Variants in BIN1 observed in about 807,000 individuals in gnomAD.
The protein encoded by BIN1 is bridging integrator 1.
A neutral mutation model predicts 82.0 loss-of-function variants in BIN1; 53 were observed. That is an observed-to-expected ratio of 0.65 (90% CI 0.52 to 0.81). The LOEUF (loss-of-function observed/expected upper bound fraction) is 0.81. Among genes scored for constraint, BIN1 ranks in the 40% least tolerant of loss-of-function variants. The pLI is 0.00. For missense variants in BIN1, 642 were observed against 784.4 expected (o/e 0.82, Z 2.17); for synonymous variants, 302 against 328.0 (o/e 0.92, Z 0.86).
chr2:127,068,102 G>T lies in BIN1; in HGVS notation c.612+61C>A. On this transcript the variant is annotated intron_variant, in intron 7 of 18. Coordinates refer to ENST00000316724, the MANE Select transcript of BIN1 (RefSeq NM_139343.3). This position sits in a 1 kb window ranked among gnomAD's most constrained non-coding sequence, Gnocchi z 4.9. ...CCAGCCCTGCATTCCACCGCAGGGC[G>T]AGAGGACAGGACGACAGACCGGAAG... The T allele has an allele frequency of 1.3e-6, 2 of 1,525,446 alleles. No homozygotes were observed. Among genetic ancestry groups the T allele is most frequent in the Non-Finnish European group, 9.0e-7 (1 of 1,112,674 alleles). 94.5% of individuals were successfully genotyped at this position (1,525,446 alleles called of 1,614,324 possible).
chr2:127,069,085 C>A (rs1300083900), intron 5 of BIN1, 54 bp from the exon 6 acceptor site: 2 of 1,547,948 alleles, frequency 1.3e-6, no homozygotes, highest in Admixed American at 3.4e-5. Context: ...TGCTGAGACT[C>A]CAGGTCCAGT....
At chr2:127,063,828 G>C in intron 8 of BIN1, 105 bp downstream of exon 8, 2 of 1,492,010 alleles carry the variant, frequency 1.3e-6, no homozygotes, top group South Asian at 2.3e-5. Flanking sequence ...CACGCAGACT[G>C]GACACCGCAG....
chr2:127,077,251 A>C (rs1686730654), intron 1 of BIN1, among the ~76,000 whole-genome samples: 1 of 152,036 alleles, frequency 6.6e-6, no homozygotes, highest in South Asian at 2.1e-4. Flanking sequence ...GGCCACGCAG[A>C]GTCTGCTTCT....
intron 1 of BIN1, among the ~76,000 whole-genome samples, chr2:127,077,413 AC>A (rs1036211105): frequency 1.9e-4 from 29 of 151,932 alleles, no homozygotes; most frequent in Non-Finnish European, 3.5e-4. Flanking sequence ...CTCCCCCTCA[AC>A]CCCCCACGAT....
At chr2:127,070,470 T>A in intron 4 of BIN1, 83 bp downstream of exon 4, 2 of 1,526,048 alleles carry the variant, frequency 1.3e-6, no homozygotes, top group Non-Finnish European at 1.8e-6. Flanking sequence ...GAGAGGCTTG[T>A]CCCAGAGGGC....
intron 1 of BIN1, among the ~76,000 whole-genome samples, chr2:127,077,230 G>A (rs1218692484): frequency 6.6e-6 from 1 of 152,204 alleles, no homozygotes; most frequent in Admixed American, 6.5e-5. Context: ...CGGTGGCCAG[G>A]AGCTGCCGGG....
At chr2:127,060,903 C>G (rs1684364613) in intron 10 of BIN1, among the ~76,000 whole-genome samples, 1 of 152,208 alleles carries the variant, frequency 6.6e-6, no homozygotes, top group South Asian at 2.1e-4. Context: ...GAGAGTCACC[C>G]TGCCTGTGGT....
At position 127,050,506 on chromosome 2, in the gene BIN1, T is replaced by G. The variant is rs1573528126; in HGVS notation, c.1589A>C (p.Asp530Ala). 1.2e-6 allele frequency: 2 copies of G among 1,614,198 alleles called. No individual in the cohort carries two copies. Among genetic ancestry groups the G allele is most frequent in the Non-Finnish European group, 1.7e-6 (2 of 1,180,026 alleles). Residue 530 changes from aspartate (D) to alanine (A), a missense_variant, in exon 18 of 19, where the codon GAC becomes GCC. Transcript: ENST00000316724. ...GFMFKVQAQHDYTATDTDELQ... is the reference protein window; with the variant it reads ...GFMFKVQAQHAYTATDTDELQ... The stretch of plus-strand genomic sequence containing the variant: ...CTCGTCTGTGTCAGTGGCCGTGTAG[T>G]CGTGCTGGGCCTGTACCTGCAGAGG...
chr2:127,085,812 G>A (rs1678077544), intron 1 of BIN1, among the ~76,000 whole-genome samples: 1 of 152,200 alleles, frequency 6.6e-6, no homozygotes, highest in Non-Finnish European at 1.5e-5. Context: ...CCATACCTGG[G>A]GCCCCCATGT....
In BIN1 at chr2:127,057,687, G is replaced by A. The variant is rs1683885771; in HGVS notation, c.1003-86C>T. 4.2e-6 allele frequency: 6 copies of A among 1,418,886 alleles called. No individual in the cohort carries two copies. Among genetic ancestry groups the A allele is most frequent in the East Asian group, 2.6e-5 (1 of 38,836 alleles). The allele number at this position is 1,418,886 out of a possible 1,614,324, so 87.9% of individuals were successfully genotyped here. On this transcript the variant is annotated intron_variant, in intron 11 of 18. Coordinates refer to ENST00000316724, the MANE Select transcript of BIN1 (RefSeq NM_139343.3). The surrounding 1 kb of genome is among the most constrained non-coding windows in gnomAD (Gnocchi z 5.0). Reference sequence around the variant, plus strand: ...GGGAGACAGACAGAGACAAAGCCACGGTTAGTCACACCTCAGGCCACAGTC... The same window carrying A: ...GGGAGACAGACAGAGACAAAGCCACAGTTAGTCACACCTCAGGCCACAGTC...
chr2:127,075,751 A>G (rs1407783966), intron 2 of BIN1, among the ~76,000 whole-genome samples: 6 of 36,218 alleles, frequency 1.7e-4, no homozygotes, highest in African/African-American at 6.1e-4. Flanking sequence ...CAGCCCTCCC[A>G]GCTGCCCCCC....
chr2:127,088,833 C>T (rs924782885), intron 1 of BIN1, among the ~76,000 whole-genome samples: 2 of 151,900 alleles, frequency 1.3e-5, no homozygotes, highest in African/African-American at 4.8e-5. Flanking sequence ...GACAGCTGAG[C>T]AGAGACCTGA....
chr2:127,081,872 G>C (rs893619363), intron 1 of BIN1: 23 of 1,286,678 alleles, frequency 1.8e-5, no homozygotes, highest in Non-Finnish European at 2.2e-5. Flanking sequence ...CACAGGAAGG[G>C]CGGGCTGAGA....
chr2:127,062,075 T>C, intron 10 of BIN1, 40 bp downstream of exon 10: 1 of 1,563,010 alleles, frequency 6.4e-7, no homozygotes. Context: ...GCCCCTGCCG[T>C]GCACACAGTC....
At position 127,052,244 on chromosome 2, in the gene BIN1, TG is replaced by T. The variant is rs1261842144; in HGVS notation, c.1371+10del. ...GGACAAGCCAGACAGGGGCTGGAGG[TG>T]GGCACTTACTTGGGCAGGCCCCGGC... On this transcript the variant is annotated intron_variant, in intron 15 of 18. Transcript: ENST00000316724. The T allele has an allele frequency of 1.9e-6, 3 of 1,563,248 alleles. No individual in the cohort carries two copies.
At position 127,050,870 on chromosome 2, in the gene BIN1, C is replaced by G; in HGVS notation, c.1504G>C (p.Val502Leu). The change falls in exon 17 of 19, where the codon GTG becomes CTG. Residue 502 changes from valine to leucine, a missense_variant. Transcript: ENST00000316724. ...AVVVETFPAT[V>L]NGTVEGGSGA... ...CTGCCGCCCTCCACGGTGCCATTCACAGTTGCTGGGAAGGTCTCCACCACG... is the reference window on the plus strand; with the variant it reads ...CTGCCGCCCTCCACGGTGCCATTCAGAGTTGCTGGGAAGGTCTCCACCACG... 6.2e-7 allele frequency: 1 copy of G among 1,613,934 alleles called. No homozygotes were observed. Among genetic ancestry groups the G allele is most frequent in the Non-Finnish European group, 8.5e-7 (1 of 1,180,020 alleles).
At chr2:127,066,365 C>A (rs1300014566) in intron 7 of BIN1, among the ~76,000 whole-genome samples, 3 of 152,232 alleles carry the variant, frequency 2.0e-5, no homozygotes, top group Non-Finnish European at 2.9e-5. Context: ...GCTGCTCCCC[C>A]AGGGTGGGCG....
At chr2:127,052,465 G>A (rs930124775) in intron 14 of BIN1, 103 bp from the exon 15 acceptor site, 11 of 1,115,846 alleles carry the variant, frequency 9.9e-6, no homozygotes, top group South Asian at 7.3e-5. Context: ...ACCAGCGGCT[G>A]GGGTTGGTGG....
intron 1 of BIN1, among the ~76,000 whole-genome samples, chr2:127,086,883 G>T (rs1678243623): frequency 1.3e-5 from 2 of 152,074 alleles, no homozygotes; most frequent in African/African-American, 4.8e-5. Flanking sequence ...CCACCTTTTT[G>T]ACAAGCCCCC....
Sources: gnomAD v4.1 joint callset for allele counts (sites outside exome capture counted in the v4.1 genomes callset) on GRCh38, gnomAD v4.1.1 for gene constraint, Gnocchi (gnomAD v3.1) non-coding constraint, MANE v1.5 for transcripts, NCBI Gene and HGNC (gene_info 2026-07-23, HGNC 2026-07-21) for gene names.